Variants in ZKSCAN1 observed in about 807,000 individuals in gnomAD.
The protein encoded by ZKSCAN1 is zinc finger protein with KRAB and SCAN domains 1.
Under a neutral mutation model 51.6 loss-of-function variants are expected in ZKSCAN1, and 14 were observed. That is an observed-to-expected ratio of 0.27 (90% CI 0.18 to 0.42). ZKSCAN1 has a LOEUF of 0.42. Ranked by LOEUF, ZKSCAN1 falls within the 10% of genes least tolerant of loss-of-function variation. ZKSCAN1 has a pLI of 1.00. For synonymous variants in ZKSCAN1, 263 were observed against 261.5 expected, an observed-to-expected ratio of 1.01 and a Z score of -0.06; for missense variants, 531 against 710.0, an observed-to-expected ratio of 0.75 and a Z score of 2.86.
In ZKSCAN1 at chr7:100,034,457, G is replaced by C; in HGVS notation, c.*260G>C. Reference sequence around the variant, plus strand: ...ATTTCCACACAAGAGAAAAGCACACGCATAGTGAAATGTCAGTCTTTTCAG... The same window carrying C: ...ATTTCCACACAAGAGAAAAGCACACCCATAGTGAAATGTCAGTCTTTTCAG... On this transcript the variant is annotated 3_prime_UTR_variant, in exon 6 of 6. Coordinates refer to ENST00000324306, the MANE Select transcript of ZKSCAN1 (RefSeq NM_003439.4). 4.2e-6 allele frequency: 5 copies of C among 1,198,076 alleles called. No homozygotes were observed. The highest frequency in any genetic ancestry group is 5.2e-6 in the Non-Finnish European group (5 of 965,162). 74.2% of individuals were successfully genotyped at this position (1,198,076 alleles called of 1,614,324 possible). A position where few individuals can be genotyped will look rare whatever the true frequency, so the allele number is the denominator to read the frequency against.
chr7:100,029,757 G>T, intron 3 of ZKSCAN1, 104 bp from the exon 4 acceptor site: 1 of 1,090,790 alleles, frequency 9.2e-7, no homozygotes, highest in South Asian at 1.5e-5. Flanking sequence ...CCTAAACACT[G>T]AACAGTGAAC....
Position 100,034,348 on chromosome 7 carries a change from C to G in ZKSCAN1, c.*151C>G, listed in dbSNP as rs1791256697. The G allele has an allele frequency of 2.1e-6, 3 of 1,413,282 alleles. No homozygotes were observed. The highest frequency in any genetic ancestry group is 3.1e-5 in the Admixed American group (1 of 32,148). The allele number at this position is 1,413,282 out of a possible 1,614,324, so 87.5% of individuals were successfully genotyped here. On this transcript the variant is annotated 3_prime_UTR_variant, in exon 6 of 6. Transcript: ENST00000324306. ...TCCTTCTAGTCACATCAGCAGTGTTCTGCCTTTATGTAGTAGTTGGGCATA... is the reference window on the plus strand; with the variant it reads ...TCCTTCTAGTCACATCAGCAGTGTTGTGCCTTTATGTAGTAGTTGGGCATA...
At chr7:100,026,725 A>C (rs1790852597) in intron 3 of ZKSCAN1, among the ~76,000 whole-genome samples, 2 of 151,912 alleles carry the variant, frequency 1.3e-5, no homozygotes, top group South Asian at 4.2e-4. Context: ...ACTCTGTCTC[A>C]GAAAAAAAAA....
Position 100,036,314 on chromosome 7 carries a change from A to G in ZKSCAN1, c.*2117A>G. 1 of 985,444 alleles carries G rather than the reference A, an allele frequency of 1.0e-6. No individual in the cohort carries two copies. The highest frequency in any genetic ancestry group is 1.2e-6 in the Non-Finnish European group (1 of 829,936). 61.0% of individuals were successfully genotyped at this position (985,444 alleles called of 1,614,324 possible). The stretch of plus-strand genomic sequence containing the variant: ...TTACTCCAGAAGAGTATATCTAAGT[A>G]ACTAAAATGGAGGCAGAAAATGTTT... On this transcript the variant is annotated 3_prime_UTR_variant, in exon 6 of 6. Coordinates refer to ENST00000324306, the MANE Select transcript of ZKSCAN1 (RefSeq NM_003439.4).
chr7:100,029,341 C>T (rs1790998870), intron 3 of ZKSCAN1, among the ~76,000 whole-genome samples: 2 of 152,052 alleles, frequency 1.3e-5, no homozygotes, highest in Non-Finnish European at 2.9e-5. Context: ...CTCACTGCAG[C>T]CTCGACCCCT....
At position 100,036,715 on chromosome 7, in the gene ZKSCAN1, C is replaced by CAA. The variant is rs1287134437; in HGVS notation, c.*2531_*2532dup. The CAA allele has an allele frequency of 1.7e-4, 131 of 793,206 alleles. No homozygotes were observed. The highest frequency in any genetic ancestry group is 1.8e-4 in the Non-Finnish European group (120 of 681,338). 49.1% of individuals were successfully genotyped at this position (793,206 alleles called of 1,614,324 possible). On this transcript the variant is annotated 3_prime_UTR_variant, in exon 6 of 6. Coordinates refer to ENST00000324306, the MANE Select transcript of ZKSCAN1 (RefSeq NM_003439.4). The stretch of plus-strand genomic sequence containing the variant: ...CTGGGTGACTAGCAAAACTCCATCT[C>CAA]AAAAAAAAAAAAAAGAAAGAAAGAA...
chr7:100,021,444 T>A (rs1396438574), intron 1 of ZKSCAN1, among the ~76,000 whole-genome samples: 4 of 152,026 alleles, frequency 2.6e-5, no homozygotes, highest in Non-Finnish European at 5.9e-5. Context: ...TTCTAAAATG[T>A]GAACATAGAT....
rs1336163494 is a variant in ZKSCAN1, at chr7:100,034,084, A to G, written c.1579A>G (p.Thr527Ala). 1.2e-6 allele frequency: 2 copies of G among 1,612,512 alleles called. No individual in the cohort carries two copies. Among genetic ancestry groups the G allele is most frequent in the Non-Finnish European group, 1.7e-6 (2 of 1,179,496 alleles). ...GTGCACTAAGTGTGGCAAGGCCTTC[A>G]CCCGCAGCTCCACCCTCACTCTGCA... ...YKCTKCGKAF[T>A]RSSTLTLHHR... Residue 527 changes from threonine (T) to alanine (A), a missense_variant, in exon 6 of 6, where the codon ACC becomes GCC. By Grantham distance (58) the Thr-to-Ala change is moderately conservative (BLOSUM62 0). Coordinates refer to ENST00000324306, the MANE Select transcript of ZKSCAN1 (RefSeq NM_003439.4).
intron 1 of ZKSCAN1, among the ~76,000 whole-genome samples, chr7:100,021,445 G>A (rs961381842): frequency 6.6e-6 from 1 of 151,984 alleles, no homozygotes; most frequent in Non-Finnish European, 1.5e-5. Flanking sequence ...TCTAAAATGT[G>A]AACATAGATG....
Position 100,034,241 on chromosome 7 carries a change from A to C in ZKSCAN1, c.*44A>C. ...AGCCATTTCCCCCTTTTGTTTCTAA[A>C]ATTATTTCAGAGATGTGTGCTCCTG... On this transcript the variant is annotated 3_prime_UTR_variant, in exon 6 of 6. Coordinates refer to ENST00000324306, the MANE Select transcript of ZKSCAN1 (RefSeq NM_003439.4). 1 of 1,499,184 alleles carries C rather than the reference A, an allele frequency of 6.7e-7. No homozygotes were observed. Among genetic ancestry groups the C allele is most frequent in the Non-Finnish European group, 8.8e-7 (1 of 1,132,546 alleles). The allele number at this position is 1,499,184 out of a possible 1,614,324, so 92.9% of individuals were successfully genotyped here.
chr7:100,017,998 G>T (rs1273109547), intron 1 of ZKSCAN1, among the ~76,000 whole-genome samples: 1 of 152,172 alleles, frequency 6.6e-6, no homozygotes, highest in East Asian at 1.9e-4. Flanking sequence ...TAAATGCCAG[G>T]CACTATTTTA....
At chr7:100,017,573 G>A (rs1054472131) in intron 1 of ZKSCAN1, among the ~76,000 whole-genome samples, 2 of 152,172 alleles carry the variant, frequency 1.3e-5, no homozygotes, top group Non-Finnish European at 1.5e-5. Flanking sequence ...TGGGCTGTTT[G>A]GAACACAGCC....
rs962794694 is a variant in ZKSCAN1, at chr7:100,023,431, A to C, written c.-76A>C. 7.4e-6 allele frequency: 11 copies of C among 1,482,722 alleles called. No homozygotes were observed. In the Admixed American group the frequency reaches 2.5e-4, roughly 33 times the overall value. The allele number at this position is 1,482,722 out of a possible 1,614,324, so 91.8% of individuals were successfully genotyped here. A position where few individuals can be genotyped will look rare whatever the true frequency, so the allele number is the denominator to read the frequency against. ...TTTTATACTTCAGGAATAGTAAAGA[A>C]ACACATCATAAAACCTCCCAGGACA... On this transcript the variant is annotated 5_prime_UTR_variant, in exon 2 of 6. Transcript: ENST00000324306.
At chr7:100,042,081 G>T (rs1022871191), downstream of ZKSCAN1, among the ~76,000 whole-genome samples, 2 of 152,162 alleles carry the variant, frequency 1.3e-5, no homozygotes, top group Non-Finnish European at 2.9e-5. Flanking sequence ...CAGTTTGGGA[G>T]GCCGAGGCAG....
intron 1 of ZKSCAN1, among the ~76,000 whole-genome samples, chr7:100,020,882 T>C (rs1036193337): frequency 6.6e-6 from 1 of 152,192 alleles, no homozygotes; most frequent in Admixed American, 6.5e-5. Context: ...TCAGAAAGAT[T>C]TGTAGCTTCA....
rs1215909817 is a variant in ZKSCAN1, at chr7:100,036,372, A to G, written c.*2175A>G. 7 of 985,432 alleles carry G rather than the reference A, an allele frequency of 7.1e-6. No homozygotes were observed. Among genetic ancestry groups the G allele is most frequent in the South Asian group, 4.7e-5 (1 of 21,288 alleles). 61.0% of individuals were successfully genotyped at this position (985,432 alleles called of 1,614,324 possible). Reference sequence around the variant, plus strand: ...TTTCTTCAAAGAATAAGCCACAGCAATGGTTTTGTAGAAAACTCCTGTGCT... The same window carrying G: ...TTTCTTCAAAGAATAAGCCACAGCAGTGGTTTTGTAGAAAACTCCTGTGCT... On this transcript the variant is annotated 3_prime_UTR_variant, in exon 6 of 6. Coordinates refer to ENST00000324306, the MANE Select transcript of ZKSCAN1 (RefSeq NM_003439.4).
rs1157350554 is a variant in ZKSCAN1 at position 100,038,527 on chromosome 7, G to A, written c.*4330G>A. 1.0e-6 allele frequency: 1 copy of A among 985,374 alleles called. No homozygotes were observed. The highest frequency in any genetic ancestry group is 1.2e-6 in the Non-Finnish European group (1 of 829,974). 61.0% of individuals were successfully genotyped at this position (985,374 alleles called of 1,614,324 possible). On this transcript the variant is annotated 3_prime_UTR_variant, in exon 6 of 6. Transcript: ENST00000324306. Reference sequence around the variant, plus strand: ...AAACCAAGAAGTTGACCTCTGAGCTGTCAGGTGACCACTGTGTGCAAAGGG... The same window carrying A: ...AAACCAAGAAGTTGACCTCTGAGCTATCAGGTGACCACTGTGTGCAAAGGG...
At position 100,036,732 on chromosome 7, in the gene ZKSCAN1, A is replaced by C. The variant is rs1187078140; in HGVS notation, c.*2535A>C. The C allele has an allele frequency of 1.0e-6, 1 of 984,438 alleles. No homozygotes were observed. The highest frequency in any genetic ancestry group is 1.8e-5 in the African/African-American group (1 of 57,062). The allele number at this position is 984,438 out of a possible 1,614,324, so 61.0% of individuals were successfully genotyped here. On this transcript the variant is annotated 3_prime_UTR_variant, in exon 6 of 6. Coordinates refer to ENST00000324306, the MANE Select transcript of ZKSCAN1 (RefSeq NM_003439.4). The stretch of plus-strand genomic sequence containing the variant: ...CTCCATCTCAAAAAAAAAAAAAAGA[A>C]AGAAAGAAACTGAAAAGTGAGGTGT...
Position 100,023,830 on chromosome 7 carries a change from G to A in ZKSCAN1, c.324G>A (p.Leu108=), listed in dbSNP as rs1413163872. ...LLVLEQFLSI[L]PKELQVWLQE... is the part of the protein sequence containing the mutation. ...TGCTAGAGCAGTTTCTTTCCATCCTGCCCAAGGAGCTCCAGGTCTGGCTGC... is the reference window on the plus strand; with the variant it reads ...TGCTAGAGCAGTTTCTTTCCATCCTACCCAAGGAGCTCCAGGTCTGGCTGC... The change falls in exon 2 of 6, where the codon CTG becomes CTA. Residue 108 remains leucine (L), a synonymous_variant. Coordinates refer to ENST00000324306, the MANE Select transcript of ZKSCAN1 (RefSeq NM_003439.4). 1 of 1,614,100 alleles carries A rather than the reference G, an allele frequency of 6.2e-7. No homozygotes were observed. Among genetic ancestry groups the A allele is most frequent in the South Asian group, 1.1e-5 (1 of 91,082 alleles).
Sources: allele counts gnomAD v4.1 joint callset (sites outside exome capture counted in the v4.1 genomes callset), GRCh38; gene constraint gnomAD v4.1.1; transcripts MANE v1.5; gene names NCBI Gene and HGNC (gene_info 2026-07-23, HGNC 2026-07-21).